PPCDC: variants seen among roughly 807,000 people sequenced by gnomAD.
PPCDC encodes phosphopantothenoylcysteine decarboxylase.
In PPCDC, 20 loss-of-function variants were observed where a neutral mutation model predicts 20.7. The observed-to-expected ratio is 0.97, with a 90% CI of 0.68 to 1.41. The LOEUF is 1.41. Among genes scored for constraint, PPCDC ranks in the 40% most tolerant of loss-of-function variants. The pLI is 0.00. For missense variants in PPCDC, 246 were observed against 263.8 expected (o/e 0.93, Z 0.47); for synonymous variants, 88 against 100.3 (o/e 0.88, Z 0.73).
intron 2 of PPCDC, among the ~76,000 whole-genome samples, chr15:75,031,998 G>A (rs758351447): frequency 2.0e-5 from 3 of 152,216 alleles, no homozygotes; most frequent in African/African-American, 7.2e-5. Flanking sequence ...CTTTCTCAGG[G>A]AGGGGGACTC....
rs1408531705 is a variant in PPCDC at position 75,032,088 on chromosome 15, C to G, written c.135+3635C>G. The stretch of plus-strand genomic sequence containing the variant: ...CCCTGCATTTGTTTTTCCCCCAGTG[C>G]CTTCAGGTTTGAAATAATCAGCATA... On this transcript the variant is annotated intron_variant, in intron 2 of 5. Coordinates refer to ENST00000342932, the MANE Select transcript of PPCDC (RefSeq NM_021823.5). Among the ~76,000 whole-genome samples, 3 of 152,146 alleles carry G rather than the reference C, an allele frequency of 2.0e-5. No homozygotes were observed. In the East Asian group the frequency reaches 5.8e-4, roughly 29 times the overall value.
intron 1 of PPCDC, among the ~76,000 whole-genome samples, chr15:75,027,609 C>G (rs374062165): frequency 6.6e-6 from 1 of 152,208 alleles, no homozygotes; most frequent in Non-Finnish European, 1.5e-5. Flanking sequence ...TCCCTTCCTG[C>G]CGCTTCCTTT....
intron 2 of PPCDC, among the ~76,000 whole-genome samples, chr15:75,036,292 C>T (rs1338363061): frequency 2.6e-5 from 4 of 152,168 alleles, no homozygotes; most frequent in African/African-American, 4.8e-5. Context: ...CAGGGCCCAG[C>T]CCTTGGCTCC....
In PPCDC at chr15:75,049,482, G is replaced by T. The variant is rs2066284803; in HGVS notation, c.*247G>T. ...ACCTTTTCCTGGATGGGTGAGGCAA[G>T]CCAGGAGAGCAAGCAGTGTTGTCCT... On this transcript the variant is annotated 3_prime_UTR_variant, in exon 6 of 6. Transcript: ENST00000342932. 1.9e-6 allele frequency: 1 copy of T among 519,952 alleles called. No individual in the cohort carries two copies. Among genetic ancestry groups the T allele is most frequent in the Non-Finnish European group, 3.5e-6 (1 of 288,060 alleles). 32.2% of individuals were successfully genotyped at this position (519,952 alleles called of 1,614,324 possible).
chr15:75,038,635 G>C (rs142969438), intron 2 of PPCDC, among the ~76,000 whole-genome samples: 6 of 152,134 alleles, frequency 3.9e-5, no homozygotes, highest in African/African-American at 1.4e-4. Flanking sequence ...TAGACATGAC[G>C]CTCTAATTTC....
At chr15:75,033,515 G>T (rs1008850897) in intron 2 of PPCDC, among the ~76,000 whole-genome samples, 19 of 150,864 alleles carry the variant, frequency 1.3e-4, no homozygotes, top group South Asian at 2.1e-4. Flanking sequence ...GTGTGTGTGT[G>T]TTTTTTTGTT....
At chr15:75,044,640 C>T (rs918130784) in intron 4 of PPCDC, 126 bp downstream of exon 4, 33 of 1,294,836 alleles carry the variant, frequency 2.5e-5, no homozygotes, top group South Asian at 1.2e-4. Context: ...GATCGTGCTC[C>T]GCCATTCCCC....
intron 4 of PPCDC, 156 bp downstream of exon 4, chr15:75,044,670 C>A (rs959606141): frequency 1.9e-6 from 2 of 1,032,744 alleles, no homozygotes; most frequent in African/African-American, 3.2e-5. Flanking sequence ...CCAGTGCTCT[C>A]ACCTTCTCTG....
chr15:75,040,491 C>G (rs2066139190), intron 2 of PPCDC, among the ~76,000 whole-genome samples: 1 of 152,030 alleles, frequency 6.6e-6, no homozygotes, highest in Admixed American at 6.6e-5. Context: ...TGTTCTTTTG[C>G]TTTAAATTTA....
In PPCDC at chr15:75,028,354, C is replaced by T; in HGVS notation, c.36C>T (p.Pro12=). 1 of 1,614,220 alleles carries T rather than the reference C, an allele frequency of 6.2e-7. No individual in the cohort carries two copies. ...AGGCCTCCTGTCCAGCTGCTGCACC[C>T]TTGATGGAGAGAAAATTCCATGTTC... ...EPKASCPAAA[P]LMERKFHVLV... The change falls in exon 2 of 6, where the codon CCC becomes CCT. Residue 12 remains proline, a synonymous_variant. Coordinates refer to ENST00000342932, the MANE Select transcript of PPCDC (RefSeq NM_021823.5).
chr15:75,040,716 G>A (rs545232188), intron 2 of PPCDC, among the ~76,000 whole-genome samples: 17 of 152,248 alleles, frequency 1.1e-4, no homozygotes, highest in African/African-American at 4.1e-4. Context: ...CTGGAGTGCA[G>A]TAACTTGATC....
intron 1 of PPCDC, among the ~76,000 whole-genome samples, chr15:75,027,804 C>T (rs2065974930): frequency 6.6e-6 from 1 of 152,210 alleles, no homozygotes. Context: ...TTCTGCCCCT[C>T]TACCACCCCC....
Position 75,049,145 on chromosome 15 carries a change from C to G in PPCDC, c.530-5C>G. ...TGTCTGGCCACAGCGGAATTTTGCT[C>G]CCAGGTCTCGGGGCCATGGCTGAAG... On this transcript the variant is annotated splice_region_variant and splice_polypyrimidine_tract_variant and intron_variant, in intron 5 of 5. Coordinates refer to ENST00000342932, the MANE Select transcript of PPCDC (RefSeq NM_021823.5). 3 of 1,613,958 alleles carry G rather than the reference C, an allele frequency of 1.9e-6. No homozygotes were observed. Among genetic ancestry groups the G allele is most frequent in the African/African-American group, 1.3e-5 (1 of 75,034 alleles).
At chr15:75,036,784 A>G (rs906482152) in intron 2 of PPCDC, among the ~76,000 whole-genome samples, 3 of 152,160 alleles carry the variant, frequency 2.0e-5, no homozygotes, top group Admixed American at 2.0e-4. Context: ...AATCAAGGGC[A>G]TTACCAATTT....
intron 2 of PPCDC, among the ~76,000 whole-genome samples, chr15:75,037,241 C>G (rs990087145): frequency 1.3e-5 from 2 of 152,096 alleles, no homozygotes; most frequent in African/African-American, 4.8e-5. Context: ...CTACCTGAAG[C>G]CTTCTGTTGA....
chr15:75,036,515 C>T (rs893452679), intron 2 of PPCDC, among the ~76,000 whole-genome samples: 5 of 152,154 alleles, frequency 3.3e-5, no homozygotes, highest in Non-Finnish European at 7.3e-5. Flanking sequence ...ATACTCTTCG[C>T]ATTACTCCTT....
chr15:75,041,990 G>A (rs1467761600), intron 2 of PPCDC, among the ~76,000 whole-genome samples: 4 of 152,238 alleles, frequency 2.6e-5, no homozygotes, highest in Admixed American at 2.0e-4. Flanking sequence ...TCGCTCTCAC[G>A]TAGGAATGTG....
At chr15:75,030,677 T>C (rs2066010374) in intron 2 of PPCDC, among the ~76,000 whole-genome samples, 1 of 152,178 alleles carries the variant, frequency 6.6e-6, no homozygotes, top group Non-Finnish European at 1.5e-5. Context: ...CATTGTCCCT[T>C]GGAGCAGTCA....
intron 3 of PPCDC, 103 bp from the exon 4 acceptor site, chr15:75,044,283 G>A (rs1567062528): frequency 7.9e-6 from 12 of 1,515,466 alleles, no homozygotes; most frequent in South Asian, 5.7e-5. Flanking sequence ...CCTGGGCAGG[G>A]CAGGTCAGTG....
Sources: allele counts gnomAD v4.1 joint callset (sites outside exome capture counted in the v4.1 genomes callset), GRCh38; gene constraint gnomAD v4.1.1; transcripts MANE v1.5; gene names NCBI Gene and HGNC (gene_info 2026-07-23, HGNC 2026-07-21).